PFKFB3: variants seen among roughly 807,000 people sequenced by gnomAD.
PFKFB3 encodes 6-phosphofructo-2-kinase/fructose-2,6-biphosphatase 3.
PFKFB3 carries 33 observed loss-of-function variants against 68.0 expected under a neutral mutation model. That is an observed-to-expected ratio of 0.49 (90% CI 0.37 to 0.65). PFKFB3 has a LOEUF of 0.65. Ranked by LOEUF, PFKFB3 falls within the 30% of genes least tolerant of loss-of-function variation. The probability of loss-of-function intolerance (pLI) is 0.00; values close to 1 mark genes in which losing one functional copy is unlikely to be tolerated. For missense variants in PFKFB3, 586 were observed against 712.2 expected, an observed-to-expected ratio of 0.82 and a Z score of 2.02; for synonymous variants, 315 against 288.2, an observed-to-expected ratio of 1.09 and a Z score of -0.94.
chr10:6,254,950 T>C (rs975342341), downstream of PFKFB3, among the ~76,000 whole-genome samples: 3 of 151,272 alleles, frequency 2.0e-5, no homozygotes, highest in Non-Finnish European at 4.4e-5. Context: ...CCCGCGTAGC[T>C]GGGATTACAG....
the PFKFB3 span, among the ~76,000 whole-genome samples, chr10:6,309,564 G>C: frequency 6.6e-6 from 1 of 152,190 alleles, no homozygotes; most frequent in South Asian, 2.1e-4. Context: ...GGAGGTTGCA[G>C]TGAGCTGAGA....
At chr10:6,148,636 A>G (rs1841475734) in intron 1 of PFKFB3, among the ~76,000 whole-genome samples, 1 of 152,238 alleles carries the variant, frequency 6.6e-6, no homozygotes, top group Admixed American at 6.5e-5. Context: ...GACGTGAAAC[A>G]TAAAAGAAAT....
At chr10:6,178,157 T>A (rs1033299437) in intron 1 of PFKFB3, among the ~76,000 whole-genome samples, 3 of 152,168 alleles carry the variant, frequency 2.0e-5, no homozygotes, top group Non-Finnish European at 4.4e-5. Flanking sequence ...CCGGTGACCT[T>A]GGGCTGTGGG....
At chr10:6,325,862 T>C in the PFKFB3 span, among the ~76,000 whole-genome samples, 1 of 152,190 alleles carries the variant, frequency 6.6e-6, no homozygotes, top group Admixed American at 6.5e-5. Flanking sequence ...ATGGTTATCA[T>C]CAAGATGGAA....
rs1348781843 is a variant in PFKFB3, at chr10:6,217,127, TC to T, written c.442-6del. The T allele has an allele frequency of 6.2e-7, 1 of 1,613,886 alleles. No individual in the cohort carries two copies. The highest frequency in any genetic ancestry group is 8.5e-7 in the Non-Finnish European group (1 of 1,179,856). ...TGTTTTCTAACATCCCCACCTCACT[TC>T]CACCAGGCGTTTTTCATCGAGTCGG... On this transcript the variant is annotated splice_polypyrimidine_tract_variant and splice_region_variant and intron_variant, in intron 5 of 14. Transcript: ENST00000379775.
At position 6,240,560 on chromosome 10, in the gene PFKFB3, G is replaced by C. The variant is rs534876406; in HGVS notation, c.1516-13618G>C. On this transcript the variant is annotated intron_variant, in intron 14 of 14. Coordinates refer to the PFKFB3 transcript ENST00000640683. The stretch of plus-strand genomic sequence containing the variant: ...ATTACAGACGTGAGCCGCCGCGCCT[G>C]GCCTGAAATAATTTTAGATTTACAG... Among the ~76,000 whole-genome samples, 988 of 152,236 alleles carry C rather than the reference G, an allele frequency of 6.5e-3. 9 individuals carry two copies. Among genetic ancestry groups the C allele is most frequent in the Non-Finnish European group, 0.01 (692 of 68,022 alleles).
chr10:6,244,884 T>C (rs1348622159), intron 14 of PFKFB3, among the ~76,000 whole-genome samples: 5 of 152,172 alleles, frequency 3.3e-5, no homozygotes, highest in Non-Finnish European at 4.4e-5. Context: ...GTTCATTTTA[T>C]AAGATATGAA....
At chr10:6,203,691 G>A (rs1229399624) in intron 1 of PFKFB3, among the ~76,000 whole-genome samples, 2 of 151,818 alleles carry the variant, frequency 1.3e-5, no homozygotes, top group Non-Finnish European at 2.9e-5. Context: ...GCAGCCCAGG[G>A]ACCCGGCCGC....
chr10:6,286,589 G>A, the PFKFB3 span, among the ~76,000 whole-genome samples: 2 of 150,972 alleles, frequency 1.3e-5, no homozygotes, highest in Admixed American at 6.6e-5. Flanking sequence ...TGTTCGCCAG[G>A]CTGGTCTCAA....
the PFKFB3 span, among the ~76,000 whole-genome samples, chr10:6,310,285 G>A: frequency 2.0e-5 from 3 of 152,018 alleles, no homozygotes; most frequent in African/African-American, 2.4e-5. Context: ...ACTAGGTCTC[G>A]TTGGGATTTT....
intron 1 of PFKFB3, among the ~76,000 whole-genome samples, chr10:6,162,598 A>G (rs1234672092): frequency 2.0e-5 from 3 of 152,226 alleles, no homozygotes; most frequent in Non-Finnish European, 4.4e-5. Context: ...CATTATTAAT[A>G]GTAGTAATAG....
chr10:6,201,501 G>A (rs1449571414), upstream of PFKFB3, among the ~76,000 whole-genome samples: 1 of 149,672 alleles, frequency 6.7e-6, no homozygotes, highest in Non-Finnish European at 1.5e-5. This position sits in a 1 kb window ranked among gnomAD's most constrained non-coding sequence, Gnocchi z 4.1. Context: ...GCACAGGCCA[G>A]GTGGCCGATG....
At chr10:6,157,448 G>A (rs553655973) in intron 1 of PFKFB3, among the ~76,000 whole-genome samples, 46 of 152,178 alleles carry the variant, frequency 3.0e-4, no homozygotes, top group Admixed American at 7.2e-4. Flanking sequence ...GGATGGTCTC[G>A]ATCTCCTGAC....
rs869251054 is a variant in PFKFB3 at position 6,170,704 on chromosome 10, GGTATGGAGGTGGAGACAAT to G, written c.16+25706_16+25724del. Among the ~76,000 whole-genome samples, 12 of 30,542 alleles carry G rather than the reference GGTATGGAGGTGGAGACAAT, an allele frequency of 3.9e-4. No individual in the cohort carries two copies. The South Asian group carries it at 7.4e-3, about 19-fold the overall frequency. 20.0% of individuals were successfully genotyped at this position (30,542 alleles called of 152,430 possible). A position where few individuals can be genotyped will look rare whatever the true frequency, so the allele number is the denominator to read the frequency against. On this transcript the variant is annotated intron_variant, in intron 1 of 14. Transcript: ENST00000379789. ...GAGGACAGTATGGAGGTGGGGACAG[GGTATGGAGGTGGAGACAAT>G]GTATGGAGGTGGAGGCGGTGGCTGA... is the stretch of plus-strand genomic sequence containing the variant.
intron 1 of PFKFB3, among the ~76,000 whole-genome samples, chr10:6,169,320 T>C (rs920154135): frequency 7.9e-5 from 12 of 152,164 alleles, no homozygotes; most frequent in Admixed American, 4.6e-4. Flanking sequence ...TTTCTGTTCT[T>C]TTCTTAGTCT....
chr10:6,315,569 C>T, the PFKFB3 span, among the ~76,000 whole-genome samples: 6 of 152,112 alleles, frequency 3.9e-5, no homozygotes, highest in African/African-American at 1.2e-4. Flanking sequence ...CTGCAGCCTC[C>T]GCCTCCTGGG....
At chr10:6,218,760 ACAG>A (rs1844759371) in intron 6 of PFKFB3, among the ~76,000 whole-genome samples, 1 of 152,268 alleles carries the variant, frequency 6.6e-6, no homozygotes, top group South Asian at 2.1e-4. Flanking sequence ...AGTGTGCAGT[ACAG>A]CAGCAAATTA....
chr10:6,268,601 G>T, the PFKFB3 span, among the ~76,000 whole-genome samples: 228 of 151,936 alleles, frequency 1.5e-3, no homozygotes, highest in African/African-American at 5.3e-3. Flanking sequence ...CTCCAGCCTG[G>T]GTGACAGAAT....
the PFKFB3 span, among the ~76,000 whole-genome samples, chr10:6,281,940 AG>A: frequency 6.6e-6 from 1 of 150,568 alleles, no homozygotes; most frequent in Non-Finnish European, 1.5e-5. Flanking sequence ...TAAATCCTGA[AG>A]GACTCAGAGC....
Sources: gnomAD v4.1 joint callset for allele counts (sites outside exome capture counted in the v4.1 genomes callset) on GRCh38, gnomAD v4.1.1 for gene constraint, Gnocchi (gnomAD v3.1) non-coding constraint, MANE v1.5 for transcripts, NCBI Gene and HGNC (gene_info 2026-07-23, HGNC 2026-07-21) for gene names.